The following THSD4 variants were observed in gnomAD, a reference collection of about 807,000 sequenced individuals.
The protein encoded by THSD4 is thrombospondin type 1 domain containing 4.
In THSD4, 69 loss-of-function variants were observed where a neutral mutation model predicts 119.0. The observed-to-expected ratio is 0.58, with a 90% CI of 0.48 to 0.71. The LOEUF (loss-of-function observed/expected upper bound fraction) is 0.71. Ranked by LOEUF, THSD4 falls within the 30% of genes least tolerant of loss-of-function variation. The pLI is 0.00. For synonymous variants in THSD4, 524 were observed against 540.4 expected, an observed-to-expected ratio of 0.97 and a Z score of 0.42; for missense variants, 1,393 against 1,391.1, an observed-to-expected ratio of 1.00 and a Z score of -0.02.
At chr15:71,283,711 A>G (rs1294204370) in intron 6 of THSD4, among the ~76,000 whole-genome samples, 2 of 152,248 alleles carry the variant, frequency 1.3e-5, no homozygotes, top group Non-Finnish European at 2.9e-5. Context: ...AACAGCTAGT[A>G]AGCGGCTTTA....
chr15:71,329,348 G>A (rs2045392423), intron 6 of THSD4, among the ~76,000 whole-genome samples: 1 of 152,122 alleles, frequency 6.6e-6, no homozygotes, highest in Non-Finnish European at 1.5e-5. Flanking sequence ...AGATGTCTGC[G>A]GCAGAATGTG....
intron 3 of THSD4, among the ~76,000 whole-genome samples, chr15:71,180,130 C>A: frequency 3.0e-5 from 3 of 101,512 alleles, no homozygotes; most frequent in African/African-American, 6.7e-5. Flanking sequence ...TACCCTAAAA[C>A]TTAGAGTATA....
chr15:71,748,663 T>A, intron 14 of THSD4, 69 bp downstream of exon 14: 1 of 1,558,908 alleles, frequency 6.4e-7, no homozygotes, highest in Non-Finnish European at 8.7e-7. Flanking sequence ...CACACAAAGA[T>A]GAGTCACTAG....
At chr15:71,615,583 C>T (rs1019904014) in intron 7 of THSD4, among the ~76,000 whole-genome samples, 1 of 152,070 alleles carries the variant, frequency 6.6e-6, no homozygotes, top group African/African-American at 2.4e-5. Context: ...TCATCATCAT[C>T]CTTTAGAATA....
intron 10 of THSD4, among the ~76,000 whole-genome samples, chr15:71,736,458 TTG>T (rs1176814153): frequency 1.3e-5 from 2 of 151,800 alleles, no homozygotes; most frequent in Non-Finnish European, 2.9e-5. Flanking sequence ...TCTGTCTCTC[TTG>T]CCCTCTCTGT....
chr15:71,108,385 C>A (rs2040282941), intron 1 of THSD4, among the ~76,000 whole-genome samples: 1 of 152,200 alleles, frequency 6.6e-6, no homozygotes, highest in African/African-American at 2.4e-5. Context: ...AAGGCTTCTT[C>A]TTAACTCCAA....
At chr15:71,554,355 A>C (rs2048984742) in intron 7 of THSD4, among the ~76,000 whole-genome samples, 1 of 150,376 alleles carries the variant, frequency 6.6e-6, no homozygotes, top group African/African-American at 2.5e-5. Context: ...TCGGCCTCCC[A>C]AAGTGCTGAG....
chr15:71,755,706 CAAAAAAAAAAAAA>C (rs10555546), intron 14 of THSD4, among the ~76,000 whole-genome samples: 12 of 50,286 alleles, frequency 2.4e-4, no homozygotes, highest in Non-Finnish European at 3.5e-4. Context: ...TCAGCAAAGA[CAAAAAAAAAAAAA>C]AAAAAAAAAA....
chr15:71,190,920 A>G (rs905239668), intron 3 of THSD4, among the ~76,000 whole-genome samples: 1 of 152,020 alleles, frequency 6.6e-6, no homozygotes, highest in Non-Finnish European at 1.5e-5. Flanking sequence ...CAGCCCTCCC[A>G]AATTTAGACT....
At chr15:71,754,510 G>A (rs2053504587) in intron 14 of THSD4, among the ~76,000 whole-genome samples, 1 of 152,012 alleles carries the variant, frequency 6.6e-6, no homozygotes, top group African/African-American at 2.4e-5. Context: ...CTTTAGCCTA[G>A]AATATTCCAA....
chr15:71,772,241 C>T (rs749191574), intron 17 of THSD4, among the ~76,000 whole-genome samples: 2 of 152,154 alleles, frequency 1.3e-5, no homozygotes, highest in Non-Finnish European at 2.9e-5. Context: ...AATATACTGA[C>T]CTAACATCCT....
chr15:71,163,978 A>G (rs533552633), intron 3 of THSD4, among the ~76,000 whole-genome samples: 2 of 152,048 alleles, frequency 1.3e-5, no homozygotes, highest in South Asian at 4.2e-4. Context: ...CTTTTCTATT[A>G]GTCCTTCAAG....
chr15:71,390,924 A>C (rs1447548366), intron 6 of THSD4, among the ~76,000 whole-genome samples: 1 of 137,350 alleles, frequency 7.3e-6, no homozygotes, highest in Non-Finnish European at 1.5e-5. Context: ...CAGTGACACG[A>C]TCATAGCTCA....
chr15:71,351,888 G>A (rs1252165635), intron 6 of THSD4, among the ~76,000 whole-genome samples: 1 of 152,186 alleles, frequency 6.6e-6, no homozygotes, highest in Non-Finnish European at 1.5e-5. Flanking sequence ...TAATGGTAAT[G>A]TGTTTACCCT....
At chr15:71,211,894 G>T (rs2043890931) in intron 3 of THSD4, among the ~76,000 whole-genome samples, 1 of 152,122 alleles carries the variant, frequency 6.6e-6, no homozygotes, top group Non-Finnish European at 1.5e-5. Context: ...TTATTATTTG[G>T]TTTTGCTGCC....
intron 6 of THSD4, among the ~76,000 whole-genome samples, chr15:71,381,810 C>A (rs1213700886): frequency 6.6e-6 from 1 of 152,118 alleles, no homozygotes; most frequent in African/African-American, 2.4e-5. Flanking sequence ...ATCTTAATAT[C>A]ATATCCATAA....
chr15:71,405,169 G>A (rs190623820), intron 6 of THSD4, among the ~76,000 whole-genome samples: 6 of 152,302 alleles, frequency 3.9e-5, no homozygotes, highest in African/African-American at 7.2e-5. Context: ...AATTACAGGC[G>A]TGAGCCACCA....
At chr15:71,104,782 T>C (rs923890969) in intron 1 of THSD4, among the ~76,000 whole-genome samples, 1 of 152,098 alleles carries the variant, frequency 6.6e-6, no homozygotes, top group Non-Finnish European at 1.5e-5. Flanking sequence ...TAATTTGCAA[T>C]TGGTTAAAGG....
intron 6 of THSD4, among the ~76,000 whole-genome samples, chr15:71,363,939 T>C (rs1262310985): frequency 1.3e-5 from 2 of 152,182 alleles, no homozygotes; most frequent in Non-Finnish European, 2.9e-5. Context: ...ACAAAAGATA[T>C]TCAGAAATCT....
Sources: allele counts gnomAD v4.1 joint callset (sites outside exome capture counted in the v4.1 genomes callset), GRCh38; gene constraint gnomAD v4.1.1; transcripts MANE v1.5; gene names NCBI Gene and HGNC (gene_info 2026-07-23, HGNC 2026-07-21).